BMAL2: variants seen among roughly 807,000 people sequenced by gnomAD.
BMAL2 encodes basic helix-loop-helix ARNT like 2.
At chr12:27,394,503 G>A in the BMAL2 span, 1 of 152,082 alleles carries the variant, frequency 6.6e-6, no homozygotes, top group Non-Finnish European at 1.5e-5. Context: ...TTTCCTGAAG[G>A]CATAAGTGAC....
the BMAL2 span, among the ~76,000 whole-genome samples, chr12:27,395,521 A>G: frequency 6.6e-6 from 1 of 152,034 alleles, no homozygotes; most frequent in Non-Finnish European, 1.5e-5. Flanking sequence ...TAAATATTCA[A>G]TTTTCAAGCA....
chr12:27,424,842 A>AAT, the BMAL2 span: 1 of 152,226 alleles, frequency 6.6e-6, no homozygotes, highest in African/African-American at 2.4e-5. Flanking sequence ...TTTCATTAGC[A>AAT]GATCTTTTTT....
At chr12:27,367,257 G>T in the BMAL2 span, among the ~76,000 whole-genome samples, 1 of 104,426 alleles carries the variant, frequency 9.6e-6, no homozygotes, top group Non-Finnish European at 1.8e-5. Context: ...GTGACTCGCG[G>T]GCAGGTGACA....
At chr12:27,362,447 T>C in the BMAL2 span, among the ~76,000 whole-genome samples, 11 of 152,206 alleles carry the variant, frequency 7.2e-5, no homozygotes, top group Admixed American at 7.2e-4. Flanking sequence ...AGATCTATTA[T>C]ACCTGTGAAG....
the BMAL2 span, among the ~76,000 whole-genome samples, chr12:27,366,998 C>T: frequency 2.6e-5 from 4 of 152,122 alleles, no homozygotes; most frequent in Admixed American, 2.0e-4. Context: ...CCTGAAACTG[C>T]GGATAATACC....
chr12:27,408,158 A>G, the BMAL2 span, among the ~76,000 whole-genome samples: 4 of 152,200 alleles, frequency 2.6e-5, no homozygotes, highest in Non-Finnish European at 5.9e-5. Flanking sequence ...GAATTCTACC[A>G]GAGGTACAAG....
At chr12:27,385,112 A>G in the BMAL2 span, among the ~76,000 whole-genome samples, 1 of 152,110 alleles carries the variant, frequency 6.6e-6, no homozygotes, top group Non-Finnish European at 1.5e-5. Context: ...CCAGGAGTTC[A>G]AGACCAGCCT....
the BMAL2 span, among the ~76,000 whole-genome samples, chr12:27,417,135 C>T: frequency 1.4e-3 from 206 of 152,148 alleles, 1 homozygote; most frequent in Admixed American, 2.7e-3. Flanking sequence ...AAGTAGTGTA[C>T]GTTATGTAAG....
chr12:27,408,543 A>G, the BMAL2 span, among the ~76,000 whole-genome samples: 2 of 152,170 alleles, frequency 1.3e-5, no homozygotes, highest in Non-Finnish European at 2.9e-5. Context: ...AAATTCAACA[A>G]CGCTTCATGC....
At chr12:27,353,045 C>T in the BMAL2 span, among the ~76,000 whole-genome samples, 1 of 151,604 alleles carries the variant, frequency 6.6e-6, no homozygotes, top group Non-Finnish European at 1.5e-5. Flanking sequence ...ATCAAGCTAC[C>T]AATGTTATTT....
At chr12:27,418,755 G>T in the BMAL2 span, among the ~76,000 whole-genome samples, 1 of 152,050 alleles carries the variant, frequency 6.6e-6, no homozygotes, top group South Asian at 2.1e-4. Flanking sequence ...CAAGGCAGGC[G>T]AATCATGAGG....
At chr12:27,340,845 A>T in the BMAL2 span, among the ~76,000 whole-genome samples, 1 of 151,870 alleles carries the variant, frequency 6.6e-6, no homozygotes, top group African/African-American at 2.4e-5. Context: ...CTGTATTCCT[A>T]TGTATTTTAT....
chr12:27,394,044 G>C, the BMAL2 span, among the ~76,000 whole-genome samples: 1 of 152,030 alleles, frequency 6.6e-6, no homozygotes, highest in African/African-American at 2.4e-5. Context: ...TGATCTTCCC[G>C]CCTCAGCCTC....
the BMAL2 span, among the ~76,000 whole-genome samples, chr12:27,384,696 C>A: frequency 3.3e-5 from 5 of 152,082 alleles, 1 homozygote; most frequent in African/African-American, 9.7e-5. Flanking sequence ...ATAAATCAGG[C>A]ATATTAAGAG....
At chr12:27,396,959 GTGTC>G in the BMAL2 span, among the ~76,000 whole-genome samples, 1 of 152,184 alleles carries the variant, frequency 6.6e-6, no homozygotes, top group Non-Finnish European at 1.5e-5. Context: ...ACCAGGGAGA[GTGTC>G]TGTCAAGTGA....
chr12:27,333,123 G>A, the BMAL2 span: 9 of 1,204,912 alleles, frequency 7.5e-6, no homozygotes, highest in Non-Finnish European at 9.3e-6. Context: ...CCGGTGGCGA[G>A]GCGACGGCCC....
the BMAL2 span, among the ~76,000 whole-genome samples, chr12:27,391,377 C>A: frequency 2.0e-5 from 3 of 152,192 alleles, no homozygotes; most frequent in Non-Finnish European, 4.4e-5. Flanking sequence ...TGATTTCATT[C>A]TTTTTTATGG....
At chr12:27,380,694 C>T in the BMAL2 span, among the ~76,000 whole-genome samples, 1,297 of 152,296 alleles carry the variant, frequency 8.5e-3, 17 homozygotes, top group African/African-American at 0.028. Context: ...ACCTGCCTTT[C>T]ATACCTCTCA....
At chr12:27,401,053 T>C in the BMAL2 span, among the ~76,000 whole-genome samples, 1 of 152,004 alleles carries the variant, frequency 6.6e-6, no homozygotes, top group South Asian at 2.1e-4. Flanking sequence ...CTGGATCGGG[T>C]GGAGGCTTCA....
Sources: allele counts gnomAD v4.1 joint callset (sites outside exome capture counted in the v4.1 genomes callset), GRCh38; gene constraint gnomAD v4.1.1; transcripts MANE v1.5; gene names NCBI Gene and HGNC (gene_info 2026-07-23, HGNC 2026-07-21).